Variants in DICER1 observed in about 807,000 individuals in gnomAD.
DICER1 encodes the protein dicer 1, ribonuclease III.
Under a neutral mutation model 194.1 loss-of-function variants are expected in DICER1, and 43 were observed. The ratio of observed to expected loss-of-function variants is 0.22; its 90% CI spans 0.17 to 0.29. The LOEUF (loss-of-function observed/expected upper bound fraction) is 0.29, where lower values mean the gene tolerates loss of function less well. DICER1 is among the 10% of genes least tolerant of loss of function. The probability of loss-of-function intolerance (pLI) is 1.00; values close to 1 mark genes in which losing one functional copy is unlikely to be tolerated. For synonymous variants in DICER1, 832 were observed against 820.5 expected (o/e 1.01, Z -0.24); for missense variants, 1,608 against 2,317.0 (o/e 0.69, Z 6.28).
In DICER1 at chr14:95,089,462, CAT is replaced by C; in HGVS notation, c.*1034_*1035del. 4.3e-6 allele frequency: 1 copy of C among 232,504 alleles called. No individual in the cohort carries two copies. The highest frequency in any genetic ancestry group is 6.1e-5 in the East Asian group (1 of 16,434). The allele number at this position is 232,504 out of a possible 1,614,324, so 14.4% of individuals were successfully genotyped here. A position where few individuals can be genotyped will look rare whatever the true frequency, so the allele number is the denominator to read the frequency against. ...AACCAATCAATTATAAAATCTGCAG[CAT>C]ATTTTAGGTGTGATATGTCTAAGGT... On this transcript the variant is annotated 3_prime_UTR_variant, in exon 27 of 27. Transcript: ENST00000343455.
chr14:95,126,556 T>C (rs751541759), intron 7 of DICER1, 24 bp downstream of exon 7: 3 of 1,391,752 alleles, frequency 2.2e-6, no homozygotes, highest in Non-Finnish European at 3.1e-6. Flanking sequence ...ATATAATCAC[T>C]ATACCTACTT....
intron 22 of DICER1, among the ~76,000 whole-genome samples, chr14:95,099,490 G>C (rs1236233112): frequency 6.6e-6 from 1 of 151,794 alleles, no homozygotes; most frequent in Non-Finnish European, 1.5e-5. Flanking sequence ...TTTTAAAGAA[G>C]AGCAAAACTC....
At chr14:95,143,693 G>A (rs908919673) in intron 1 of DICER1, among the ~76,000 whole-genome samples, 5 of 152,100 alleles carry the variant, frequency 3.3e-5, no homozygotes, top group African/African-American at 1.2e-4. Flanking sequence ...TTTAGTGACT[G>A]CCTGTGATGG....
chr14:95,103,938 C>A lies in DICER1; in HGVS notation c.3458G>T (p.Cys1153Phe), dbSNP rs762999390. ...LENHDQMSVN[C>F]RTLLSESPGK... is the part of the protein sequence containing the mutation. ...AGGGGACTCGCTGAGCAACGTTCTG[C>A]AGTTCACAGACATTTGGTCATGATT... Residue 1153 changes from cysteine (C) to phenylalanine (F), a missense_variant, in exon 21 of 27, where the codon TGC becomes TTC. Physicochemically the swap from Cys to Phe is radical, Grantham distance 205 (BLOSUM62 -2). Around this residue, in one of 10 missense-constraint regions of DICER1, gnomAD observed 222 missense variants for 215.5 expected, o/e 1.03. Coordinates refer to ENST00000343455, the MANE Select transcript of DICER1 (RefSeq NM_177438.3). 1 of 1,614,172 alleles carries A rather than the reference C, an allele frequency of 6.2e-7. No individual in the cohort carries two copies. The highest frequency in any genetic ancestry group is 1.3e-5 in the African/African-American group (1 of 75,056).
At position 95,088,711 on chromosome 14, in the gene DICER1, A is replaced by C. The variant is rs1889534483; in HGVS notation, c.*1787T>G. 2 of 232,944 alleles carry C rather than the reference A, an allele frequency of 8.6e-6. No individual in the cohort carries two copies. Among genetic ancestry groups the C allele is most frequent in the South Asian group, 3.6e-4 (2 of 5,536 alleles). 14.4% of individuals were successfully genotyped at this position (232,944 alleles called of 1,614,324 possible). On this transcript the variant is annotated 3_prime_UTR_variant, in exon 27 of 27. Coordinates refer to ENST00000343455, the MANE Select transcript of DICER1 (RefSeq NM_177438.3). Reference sequence around the variant, plus strand: ...TGGAGACAACAAAAAACACTGGAGAAGCTTAATACCCCCCTCACTCAGGGT... The same window carrying C: ...TGGAGACAACAAAAAACACTGGAGACGCTTAATACCCCCCTCACTCAGGGT...
chr14:95,149,809 T>C (rs550026107), intron 1 of DICER1, among the ~76,000 whole-genome samples: 4 of 152,198 alleles, frequency 2.6e-5, no homozygotes, highest in Non-Finnish European at 5.9e-5. Context: ...CAGCTTTTTA[T>C]AGGTCAAATA....
chr14:95,152,362 T>C (rs1196066858), intron 1 of DICER1, among the ~76,000 whole-genome samples: 1 of 152,224 alleles, frequency 6.6e-6, no homozygotes. Context: ...AAAGCCTTAA[T>C]ATGCAAGCAA....
chr14:95,107,043 C>T (rs1891484714), intron 17 of DICER1, among the ~76,000 whole-genome samples: 1 of 151,980 alleles, frequency 6.6e-6, no homozygotes, highest in Admixed American at 6.6e-5. Context: ...TCTTTCTTTT[C>T]CCCGATCTGT....
intron 1 of DICER1, among the ~76,000 whole-genome samples, chr14:95,135,423 A>G (rs1894286130): frequency 6.6e-6 from 1 of 152,172 alleles, no homozygotes. Flanking sequence ...AGGTATGTCC[A>G]GGAACCAGCA....
At position 95,124,097 on chromosome 14, in the gene DICER1, T is replaced by A; in HGVS notation, c.1376+99A>T. Reference sequence around the variant, plus strand: ...TGGCGCCAAGTCAAGGACACTTACATAACCCTCATGCTAGCTCTTACAGCT... The same window carrying A: ...TGGCGCCAAGTCAAGGACACTTACAAAACCCTCATGCTAGCTCTTACAGCT... On this transcript the variant is annotated intron_variant, in intron 8 of 26. Transcript: ENST00000343455. The surrounding 1 kb of genome is among the most constrained non-coding windows in gnomAD (Gnocchi z 4.5). 1 of 865,148 alleles carries A rather than the reference T, an allele frequency of 1.2e-6. No homozygotes were observed. The highest frequency in any genetic ancestry group is 1.9e-6 in the Non-Finnish European group (1 of 528,292). The allele number at this position is 865,148 out of a possible 1,614,324, so 53.6% of individuals were successfully genotyped here. A position where few individuals can be genotyped will look rare whatever the true frequency, so the allele number is the denominator to read the frequency against.
chr14:95,147,936 C>G (rs1024766718), intron 1 of DICER1, among the ~76,000 whole-genome samples: 1 of 152,226 alleles, frequency 6.6e-6, no homozygotes, highest in Non-Finnish European at 1.5e-5. Context: ...CAGTGGCACA[C>G]GCCTGTAATC....
chr14:95,107,407 C>T (rs1182811911), intron 17 of DICER1, among the ~76,000 whole-genome samples: 8 of 151,934 alleles, frequency 5.3e-5, no homozygotes, highest in South Asian at 2.1e-4. Flanking sequence ...TGCACCACCA[C>T]GCCTGGCTAA....
Position 95,089,614 on chromosome 14 carries a change from T to TA in DICER1, c.*883dup, listed in dbSNP as rs982504653. ...GTTTAGCCAAAGATCATTTTTATGA[T>TA]AAAAAATATCCGTAGACTACATATT... is the stretch of plus-strand genomic sequence containing the variant. On this transcript the variant is annotated 3_prime_UTR_variant, in exon 27 of 27. Coordinates refer to ENST00000343455, the MANE Select transcript of DICER1 (RefSeq NM_177438.3). The TA allele has an allele frequency of 3.0e-5, 7 of 231,546 alleles. No individual in the cohort carries two copies. Among genetic ancestry groups the TA allele is most frequent in the South Asian group, 1.8e-4 (1 of 5,514 alleles). The allele number at this position is 231,546 out of a possible 1,614,324, so 14.3% of individuals were successfully genotyped here.
At chr14:95,142,313 T>G (rs909914439) in intron 1 of DICER1, among the ~76,000 whole-genome samples, 2 of 152,110 alleles carry the variant, frequency 1.3e-5, no homozygotes, top group Non-Finnish European at 2.9e-5. Context: ...ATACTGCAGA[T>G]TACAGGTGTG....
intron 1 of DICER1, among the ~76,000 whole-genome samples, chr14:95,154,420 C>G (rs1895709673): frequency 6.6e-6 from 1 of 152,174 alleles, no homozygotes; most frequent in African/African-American, 2.4e-5. Flanking sequence ...TTCACAGCAC[C>G]ATTATTCACA....
chr14:95,130,348 C>A (rs547037256), intron 4 of DICER1, among the ~76,000 whole-genome samples, 156 bp from the exon 5 acceptor site: 1 of 152,080 alleles, frequency 6.6e-6, no homozygotes, highest in African/African-American at 2.4e-5. Flanking sequence ...TAATTTTATA[C>A]ATCAGAACTA....
intron 1 of DICER1, chr14:95,141,116 T>C (rs1894802617): frequency 1.3e-5 from 2 of 152,086 alleles, no homozygotes; most frequent in South Asian, 2.1e-4. Flanking sequence ...TAAATTCACA[T>C]AAACGAAAGA....
chr14:95,122,696 T>C (rs1893035004), intron 8 of DICER1, among the ~76,000 whole-genome samples: 1 of 152,156 alleles, frequency 6.6e-6, no homozygotes, highest in African/African-American at 2.4e-5. Context: ...AATAAGTGGG[T>C]TGGATTAGAT....
rs566464225 is a variant in DICER1 at position 95,126,707 on chromosome 14, G to A, written c.776C>T (p.Pro259Leu). The change falls in exon 7 of 27, where the codon CCA becomes CTA. Residue 259 changes from proline to leucine, a missense_variant. Physicochemically the swap from Pro to Leu is moderately conservative, Grantham distance 98 (BLOSUM62 -3). This residue lies in a region of DICER1 where 657 missense variants were observed against 910.1 expected (regional missense o/e 0.72). Transcript: ENST00000343455. Reference protein sequence around the residue: ...QPCEIVVDCGPFTDRSGLYER... With the variant: ...QPCEIVVDCGLFTDRSGLYER... ...ATAAAGCCCACTTCTGTCAGTAAAT[G>A]GTCCACAATCCACCACAATCTCACA... 9 of 1,610,834 alleles carry A rather than the reference G, an allele frequency of 5.6e-6. No homozygotes were observed. Among genetic ancestry groups the A allele is most frequent in the Admixed American group, 5.0e-5 (3 of 59,968 alleles).
Sources: allele counts gnomAD v4.1 joint callset (sites outside exome capture counted in the v4.1 genomes callset), GRCh38; gene constraint gnomAD v4.1.1; regional missense constraint gnomAD v4.1.1; non-coding constraint Gnocchi (gnomAD v3.1); transcripts MANE v1.5; gene names NCBI Gene and HGNC (gene_info 2026-07-23, HGNC 2026-07-21).